PTK2: variants seen among roughly 807,000 people sequenced by gnomAD.
PTK2 encodes protein tyrosine kinase 2.
A neutral mutation model predicts 150.1 loss-of-function variants in PTK2; 45 were observed. That is an observed-to-expected ratio of 0.30 (90% CI 0.24 to 0.38). The LOEUF (loss-of-function observed/expected upper bound fraction) is 0.38, where lower values mean the gene tolerates loss of function less well. Among genes scored for constraint, PTK2 ranks in the 10% least tolerant of loss-of-function variants. The pLI is 1.00. For missense variants in PTK2, 919 were observed against 1,307.3 expected, an observed-to-expected ratio of 0.70 and a Z score of 4.58; for synonymous variants, 432 against 449.2, an observed-to-expected ratio of 0.96 and a Z score of 0.48.
At chr8:140,823,072 T>C (rs1567042988) in intron 8 of PTK2, among the ~76,000 whole-genome samples, 1 of 152,134 alleles carries the variant, frequency 6.6e-6, no homozygotes, top group Non-Finnish European at 1.5e-5. Context: ...CCCTGGAATA[T>C]AAAAAAATCT....
intron 1 of PTK2, among the ~76,000 whole-genome samples, chr8:140,962,569 C>T (rs771112095): frequency 6.6e-6 from 1 of 151,982 alleles, no homozygotes; most frequent in Non-Finnish European, 1.5e-5. Flanking sequence ...GAGGCCGAGG[C>T]GTGTAGATCA....
At chr8:140,995,027 G>A (rs1360099862) in intron 1 of PTK2, among the ~76,000 whole-genome samples, 1 of 149,694 alleles carries the variant, frequency 6.7e-6, no homozygotes, top group African/African-American at 2.5e-5. Context: ...AGGCTGTGGT[G>A]AGCTGAGATC....
chr8:140,995,286 C>T (rs1241293032), intron 1 of PTK2, among the ~76,000 whole-genome samples: 1 of 147,918 alleles, frequency 6.8e-6, no homozygotes. Flanking sequence ...CAGAGGCTGA[C>T]GCAGGCGAAT....
intron 1 of PTK2, among the ~76,000 whole-genome samples, chr8:141,000,664 C>T (rs2100199813): frequency 6.7e-6 from 1 of 148,964 alleles, no homozygotes; most frequent in South Asian, 2.1e-4. Flanking sequence ...CCGGCCTTTT[C>T]GAAAGCCGCC....
rs141944117 is a variant in PTK2, at chr8:140,839,808, T to G, written c.593+6452A>C. Among the ~76,000 whole-genome samples the G allele has an allele frequency of 8.2e-3, 1,248 of 152,252 alleles. 14 individuals are homozygous for G. The highest frequency in any genetic ancestry group is 0.027 in the Middle Eastern group (8 of 294). On this transcript the variant is annotated intron_variant, in intron 7 of 31. Transcript: ENST00000522684. ...GCATATATTTTCCAGATGAAAAACA[T>G]GAATCTACAGAATTGAGAAGTATGT...
exon 15 of PTK2, chr8:140,764,239 G>A: frequency 6.2e-7 from 1 of 1,608,970 alleles, no homozygotes. Flanking sequence ...CTTACTTGAG[G>A]GCATGGTGTA....
chr8:140,703,784 A>G (rs2100032129), intron 24 of PTK2, among the ~76,000 whole-genome samples: 1 of 152,220 alleles, frequency 6.6e-6, no homozygotes, highest in Non-Finnish European at 1.5e-5. Flanking sequence ...GGGTTTCTTT[A>G]CATGGTTCCT....
chr8:140,792,715 C>T (rs1205111658), intron 13 of PTK2, among the ~76,000 whole-genome samples: 5 of 152,180 alleles, frequency 3.3e-5, no homozygotes, highest in Admixed American at 3.3e-4. Context: ...AAAGCCCAGG[C>T]CTCACCCTCT....
chr8:140,675,491 G>T (rs2100013095), exon 28 of PTK2: 2 of 1,610,976 alleles, frequency 1.2e-6, no homozygotes, highest in Non-Finnish European at 1.7e-6. Flanking sequence ...ATATATGTTG[G>T]TTTCCAATCT....
intron 4 of PTK2, among the ~76,000 whole-genome samples, chr8:140,876,386 T>TA (rs1567987744): frequency 6.6e-6 from 1 of 152,236 alleles, no homozygotes; most frequent in Admixed American, 6.5e-5. Flanking sequence ...TTGAACATAT[T>TA]ATCCCACTAT....
intron 4 of PTK2, among the ~76,000 whole-genome samples, chr8:140,877,017 C>G (rs1464657155): frequency 2.8e-5 from 4 of 141,234 alleles, no homozygotes; most frequent in Non-Finnish European, 4.6e-5. Flanking sequence ...ATGTAACTTT[C>G]ACTAATCCTT....
intron 2 of PTK2, among the ~76,000 whole-genome samples, chr8:140,914,799 G>C (rs1180293503): frequency 6.6e-6 from 1 of 152,006 alleles, no homozygotes; most frequent in African/African-American, 2.4e-5. Context: ...ACTCTGAGAG[G>C]CCGAGGCGAG....
chr8:140,838,763 T>C (rs1474052032), intron 7 of PTK2, among the ~76,000 whole-genome samples: 1 of 152,070 alleles, frequency 6.6e-6, no homozygotes, highest in East Asian at 1.9e-4. Context: ...GCCCAGCACT[T>C]TGGGAGGCCG....
chr8:140,792,946 T>C (rs1208482472), intron 13 of PTK2, among the ~76,000 whole-genome samples: 1 of 152,236 alleles, frequency 6.6e-6, no homozygotes. Context: ...TCTTTTAGTT[T>C]TGTAGATCAA....
intron 23 of PTK2, 76 bp from the exon 27 acceptor site, chr8:140,706,281 C>T (rs1269954744): frequency 2.7e-6 from 3 of 1,116,746 alleles, no homozygotes; most frequent in Non-Finnish European, 4.1e-6. Context: ...TCGAAAAAGA[C>T]ATTTTCCTAA....
At chr8:140,832,919 G>A in intron 7 of PTK2, 1 of 519,032 alleles carries the variant, frequency 1.9e-6, no homozygotes, top group Non-Finnish European at 3.8e-6. Context: ...GTGAGGGAAA[G>A]ACCAGGGCAG....
At chr8:140,702,741 A>G (rs748609149) in intron 24 of PTK2, 34 bp from the exon 28 acceptor site, 3 of 1,605,740 alleles carry the variant, frequency 1.9e-6, no homozygotes, top group East Asian at 2.2e-5. Flanking sequence ...GTAATGTTCA[A>G]CTATAACATC....
intron 10 of PTK2, among the ~76,000 whole-genome samples, chr8:140,811,567 T>C (rs1269538370): frequency 6.6e-6 from 1 of 152,162 alleles, no homozygotes; most frequent in African/African-American, 2.4e-5. Context: ...TGGGTTGAGA[T>C]GGCTGAAATG....
At chr8:140,686,673 G>T (rs1462394413) in exon 27 of PTK2, 3 of 1,613,734 alleles carry the variant, frequency 1.9e-6, no homozygotes, top group Middle Eastern at 3.3e-4. Context: ...ATACTGCCTC[G>T]AGAGAGTCTC....
Sources: allele counts gnomAD v4.1 joint callset (sites outside exome capture counted in the v4.1 genomes callset), GRCh38; gene constraint gnomAD v4.1.1; transcripts MANE v1.5; gene names NCBI Gene and HGNC (gene_info 2026-07-23, HGNC 2026-07-21).